MDN1: variants seen among roughly 807,000 people sequenced by gnomAD.
MDN1 encodes midasin AAA ATPase 1, also known as midasin.
A neutral mutation model predicts 669.2 loss-of-function variants in MDN1; 266 were observed. The ratio of observed to expected loss-of-function variants is 0.40; its 90% CI spans 0.36 to 0.44. The LOEUF (loss-of-function observed/expected upper bound fraction) is 0.44, where lower values mean the gene tolerates loss of function less well. MDN1 is among the 20% of genes least tolerant of loss of function. The pLI is 1.00. For synonymous variants in MDN1, 2,385 were observed against 2,457.1 expected (o/e 0.97, Z 0.87); for missense variants, 5,940 against 6,754.0 (o/e 0.88, Z 4.22).
At chr6:89,713,127 T>C in intron 47 of MDN1, 21 bp downstream of exon 47, 1 of 1,599,540 alleles carries the variant, frequency 6.3e-7, no homozygotes, top group Non-Finnish European at 8.5e-7. Context: ...CTTAGAAACA[T>C]TCTGCAATAC....
intron 15 of MDN1, among the ~76,000 whole-genome samples, chr6:89,763,785 G>GCC (rs912010150): frequency 3.7e-4 from 56 of 152,206 alleles, no homozygotes; most frequent in African/African-American, 1.3e-3. Context: ...AAACCCAATG[G>GCC]CCTGATACTG....
intron 33 of MDN1, among the ~76,000 whole-genome samples, chr6:89,736,925 T>C (rs991291546): frequency 6.6e-6 from 1 of 152,148 alleles, no homozygotes; most frequent in Non-Finnish European, 1.5e-5. Flanking sequence ...CTTAGACCAG[T>C]ATTAGTGGCA....
chr6:89,805,174 A>C (rs1562238729), intron 1 of MDN1, among the ~76,000 whole-genome samples: 1 of 152,178 alleles, frequency 6.6e-6, no homozygotes. Flanking sequence ...TCTGCCCAGC[A>C]ATGTAACATC....
intron 73 of MDN1, 150 bp downstream of exon 73, chr6:89,682,982 G>A (rs1811748105): frequency 2.6e-6 from 2 of 780,178 alleles, no homozygotes; most frequent in Non-Finnish European, 3.9e-6. Flanking sequence ...TATTCTGCAG[G>A]GAAGTCAGGC....
At position 89,780,308 on chromosome 6, in the gene MDN1, AAG is replaced by A. The variant is rs1203033184; in HGVS notation, c.1644-17_1644-16del. On this transcript the variant is annotated splice_polypyrimidine_tract_variant and intron_variant, in intron 10 of 101. Transcript: ENST00000369393. The stretch of plus-strand genomic sequence containing the variant: ...TCAGCAGATCCCTTTAAAAAAAAGA[AAG>A]AAAAGAAAAAACAAAGAAAAGACCA... 8 of 1,529,222 alleles carry A rather than the reference AAG, an allele frequency of 5.2e-6. No individual in the cohort carries two copies. Among genetic ancestry groups the A allele is most frequent in the East Asian group, 2.3e-5 (1 of 43,216 alleles). The allele number at this position is 1,529,222 out of a possible 1,614,324, so 94.7% of individuals were successfully genotyped here.
intron 17 of MDN1, among the ~76,000 whole-genome samples, chr6:89,759,559 T>C (rs1817427292): frequency 1.3e-5 from 2 of 151,860 alleles, no homozygotes; most frequent in South Asian, 4.2e-4. Flanking sequence ...AGGTCAGGAG[T>C]TCGACACCAG....
intron 76 of MDN1, among the ~76,000 whole-genome samples, chr6:89,676,483 C>T (rs1474438625): frequency 1.3e-5 from 2 of 152,128 alleles, no homozygotes; most frequent in African/African-American, 2.4e-5. Flanking sequence ...AACTCTGATG[C>T]CTACAGGGGC....
intron 97 of MDN1, 64 bp downstream of exon 97, chr6:89,649,960 G>A (rs1270164339): frequency 1.3e-6 from 2 of 1,531,376 alleles, no homozygotes; most frequent in African/African-American, 1.4e-5. Context: ...GCATTTTGGT[G>A]GCCCATGGAA....
intron 51 of MDN1, among the ~76,000 whole-genome samples, chr6:89,708,131 G>C (rs1813643251): frequency 6.6e-6 from 1 of 151,982 alleles, no homozygotes; most frequent in African/African-American, 2.4e-5. Context: ...GCAAAACCCT[G>C]TCTCTACAAA....
rs563623366 is a variant in MDN1 at position 89,695,233 on chromosome 6, A to AAAAC, written c.9771+368_9771+371dup. On this transcript the variant is annotated intron_variant, in intron 61 of 101. Coordinates refer to ENST00000369393, the MANE Select transcript of MDN1 (RefSeq NM_014611.3). The surrounding 1 kb of genome is among the most constrained non-coding windows in gnomAD (Gnocchi z 4.1). ...GACGAGAAAGCAAGGCTCCATCTCA[A>AAAAC]AAACAAACAAACAAACAAAAACCCA... Among the ~76,000 whole-genome samples the AAAAC allele has an allele frequency of 3.9e-5, 6 of 152,186 alleles. No individual in the cohort carries two copies. Among genetic ancestry groups the AAAAC allele is most frequent in the Admixed American group, 6.5e-5 (1 of 15,282 alleles).
chr6:89,671,125 G>C (rs777211294), intron 82 of MDN1, 45 bp from the exon 83 acceptor site: 31 of 1,583,736 alleles, frequency 2.0e-5, no homozygotes, highest in South Asian at 1.1e-4. Context: ...CTGCTTGGCA[G>C]GTACCAGGTT....
intron 63 of MDN1, 115 bp downstream of exon 63, chr6:89,692,328 C>CG: frequency 1.1e-6 from 1 of 883,756 alleles, no homozygotes; most frequent in East Asian, 2.7e-5. Context: ...AAAATGCCCA[C>CG]GCCCCAACGA....
intron 46 of MDN1, among the ~76,000 whole-genome samples, chr6:89,713,938 C>T (rs758519851): frequency 2.0e-5 from 3 of 151,226 alleles, no homozygotes; most frequent in Non-Finnish European, 2.9e-5. Flanking sequence ...CTCGGAGAGG[C>T]TGAGGCAGAA....
At chr6:89,664,795 G>C (rs186143977) in intron 84 of MDN1, among the ~76,000 whole-genome samples, 167 bp from the exon 85 acceptor site, 10 of 152,288 alleles carry the variant, frequency 6.6e-5, no homozygotes, top group Non-Finnish European at 1.2e-4. Flanking sequence ...TCTGGAGTTA[G>C]TTTCCACTTG....
At chr6:89,746,697 T>C (rs1341038094) in intron 27 of MDN1, among the ~76,000 whole-genome samples, 5 of 151,968 alleles carry the variant, frequency 3.3e-5, no homozygotes. Context: ...TCTTTACAAG[T>C]AGAGAAAAAA....
intron 83 of MDN1, among the ~76,000 whole-genome samples, chr6:89,670,682 G>GT (rs1810689000): frequency 6.6e-6 from 1 of 152,112 alleles, no homozygotes; most frequent in South Asian, 2.1e-4. Flanking sequence ...GAACTCGTCA[G>GT]TTTGGGGGAA....
chr6:89,779,318 C>G (rs1818522808), intron 11 of MDN1, among the ~76,000 whole-genome samples: 1 of 152,138 alleles, frequency 6.6e-6, no homozygotes, highest in East Asian at 1.9e-4. Flanking sequence ...TGTTCTTATT[C>G]CACCTTTACC....
chr6:89,818,391 T>C (rs1357944153), intron 1 of MDN1, among the ~76,000 whole-genome samples: 2 of 150,716 alleles, frequency 1.3e-5, no homozygotes, highest in Non-Finnish European at 3.0e-5. Context: ...CCCTGCACTT[T>C]GGGAGGCCAA....
Position 89,689,886 on chromosome 6 carries a change from G to T in MDN1, c.11007C>A (p.His3669Gln), listed in dbSNP as rs761245342. ...CYQTGASLVTHFYPLMGVELN... is the reference protein window; with the variant it reads ...CYQTGASLVTQFYPLMGVELN... ...CTACCATACCCATCAGGGGGTAGAA[G>T]TGTGTCACAAGCGATGCCCCAGTCT... is the stretch of plus-strand genomic sequence containing the variant. Residue 3669 changes from histidine (H) to glutamine (Q), a missense_variant, in exon 65 of 102, where the codon CAC becomes CAA. Physicochemically the swap from His to Gln is conservative, Grantham distance 24. Around this residue, in one of 5 missense-constraint regions of MDN1, gnomAD observed 2,280 missense variants for 2,576.3 expected, o/e 0.88. Coordinates refer to ENST00000369393, the MANE Select transcript of MDN1 (RefSeq NM_014611.3). 1 of 1,614,100 alleles carries T rather than the reference G, an allele frequency of 6.2e-7. No individual in the cohort carries two copies. The highest frequency in any genetic ancestry group is 8.5e-7 in the Non-Finnish European group (1 of 1,180,008).
Sources: gnomAD v4.1 joint callset for allele counts (sites outside exome capture counted in the v4.1 genomes callset) on GRCh38, gnomAD v4.1.1 for gene constraint, gnomAD v4.1.1 regional missense constraint, Gnocchi (gnomAD v3.1) non-coding constraint, MANE v1.5 for transcripts, NCBI Gene and HGNC (gene_info 2026-07-23, HGNC 2026-07-21) for gene names.